STARD13: variants seen among roughly 807,000 people sequenced by gnomAD.
STARD13 encodes StAR related lipid transfer domain containing 13.
Under a neutral mutation model 106.4 loss-of-function variants are expected in STARD13, and 62 were observed. The ratio of observed to expected loss-of-function variants is 0.58; its 90% CI spans 0.48 to 0.72. The LOEUF (loss-of-function observed/expected upper bound fraction) is 0.72. Among genes scored for constraint, STARD13 ranks in the 30% least tolerant of loss-of-function variants. The pLI is 0.00. For synonymous variants in STARD13, 565 were observed against 553.0 expected (o/e 1.02, Z -0.31); for missense variants, 1,387 against 1,424.0 (o/e 0.97, Z 0.42).
chr13:33,495,915 A>G, the STARD13 span, among the ~76,000 whole-genome samples: 5 of 144,428 alleles, frequency 3.5e-5, no homozygotes, highest in South Asian at 1.1e-3. Context: ...ATTATATTAT[A>G]TAGTTATATA....
chr13:33,123,487 C>T (rs1876678441), intron 7 of STARD13, among the ~76,000 whole-genome samples: 1 of 152,202 alleles, frequency 6.6e-6, no homozygotes, highest in Non-Finnish European at 1.5e-5. Context: ...ATTGCAGGTT[C>T]AGCCTCTCAC....
rs554890127 is a variant in STARD13 at position 33,296,760 on chromosome 13, AG to A, written c.124+53529del. ...CAGCCTCCCAAGTAGCTGGGATTAC[AG>A]GGGCCCCCCACCACGCCCAGCTAAT... On this transcript the variant is annotated intron_variant, in intron 1 of 5. Coordinates refer to the STARD13 transcript ENST00000567873. Among the ~76,000 whole-genome samples the A allele has an allele frequency of 3.7e-3, 569 of 152,290 alleles. 5 individuals are homozygous for A. The highest frequency in any genetic ancestry group is 0.013 in the African/African-American group (550 of 41,566).
At chr13:33,128,411 T>A (rs1006563326) in intron 5 of STARD13, among the ~76,000 whole-genome samples, 1 of 152,232 alleles carries the variant, frequency 6.6e-6, no homozygotes, top group African/African-American at 2.4e-5. Context: ...CATTTTTCTA[T>A]GGTGCTTCTG....
chr13:33,335,401 G>T (rs2077884136), intron 1 of STARD13: 1 of 152,212 alleles, frequency 6.6e-6, no homozygotes, highest in South Asian at 2.1e-4. Flanking sequence ...CTCCGAAAAT[G>T]GTTCCATGCT....
chr13:33,393,165 T>A, the STARD13 span, among the ~76,000 whole-genome samples: 1 of 152,172 alleles, frequency 6.6e-6, no homozygotes, highest in Non-Finnish European at 1.5e-5. Context: ...TGCCAATGCT[T>A]ACACAAGCCA....
chr13:33,204,130 G>A (rs149687630), intron 1 of STARD13, among the ~76,000 whole-genome samples: 8 of 152,324 alleles, frequency 5.3e-5, no homozygotes, highest in African/African-American at 1.9e-4. Context: ...CGTGGGTACT[G>A]TCAGAAGCTG....
intron 1 of STARD13, among the ~76,000 whole-genome samples, chr13:33,248,444 C>T (rs1291345506): frequency 6.6e-6 from 1 of 152,150 alleles, no homozygotes; most frequent in Non-Finnish European, 1.5e-5. Context: ...AAGTCTATGG[C>T]GATCCTGGGC....
chr13:33,421,965 T>C, the STARD13 span, among the ~76,000 whole-genome samples: 1 of 152,180 alleles, frequency 6.6e-6, no homozygotes, highest in Non-Finnish European at 1.5e-5. Context: ...AAGAACTATT[T>C]ATGACAAACC....
intron 1 of STARD13, among the ~76,000 whole-genome samples, chr13:33,325,474 C>T (rs960442961): frequency 6.6e-6 from 1 of 152,168 alleles, no homozygotes; most frequent in Non-Finnish European, 1.5e-5. Flanking sequence ...ATTTTGAGTC[C>T]TTTTCTTCAC....
At chr13:33,490,496 GAA>G in the STARD13 span, among the ~76,000 whole-genome samples, 2 of 152,176 alleles carry the variant, frequency 1.3e-5, no homozygotes, top group Non-Finnish European at 2.9e-5. Flanking sequence ...GCGGCAGAGA[GAA>G]AGAAGAGTAG....
chr13:33,310,370 T>C (rs1383037038), intron 1 of STARD13, among the ~76,000 whole-genome samples: 1 of 152,218 alleles, frequency 6.6e-6, no homozygotes, highest in African/African-American at 2.4e-5. Flanking sequence ...CCTCCAGCCT[T>C]CTTCTTTATA....
chr13:33,380,227 C>T, the STARD13 span, among the ~76,000 whole-genome samples: 1 of 151,950 alleles, frequency 6.6e-6, no homozygotes, highest in Non-Finnish European at 1.5e-5. Context: ...CCAATCTGGC[C>T]AACATGGTGA....
chr13:33,653,259 C>G, the STARD13 span, among the ~76,000 whole-genome samples: 1 of 152,166 alleles, frequency 6.6e-6, no homozygotes, highest in African/African-American at 2.4e-5. Flanking sequence ...AAGACTCAAA[C>G]TTCCCTCTTC....
the STARD13 span, among the ~76,000 whole-genome samples, chr13:33,623,918 A>C: frequency 6.6e-6 from 1 of 152,238 alleles, no homozygotes; most frequent in East Asian, 1.9e-4. Context: ...AGCCTTTTAC[A>C]TGGACTAGAA....
At chr13:33,136,818 G>A (rs1037473701) in intron 4 of STARD13, among the ~76,000 whole-genome samples, 1 of 128,602 alleles carries the variant, frequency 7.8e-6, no homozygotes, top group Admixed American at 8.4e-5. Flanking sequence ...TCTTTGATGT[G>A]GGACAAGAAC....
At chr13:33,476,228 T>C in the STARD13 span, among the ~76,000 whole-genome samples, 2 of 152,174 alleles carry the variant, frequency 1.3e-5, no homozygotes, top group African/African-American at 4.8e-5. Flanking sequence ...TCCATCTGGA[T>C]TGAATAATAA....
At chr13:33,361,314 C>T in the STARD13 span, among the ~76,000 whole-genome samples, 2 of 108,576 alleles carry the variant, frequency 1.8e-5, no homozygotes, top group African/African-American at 5.4e-5. Context: ...CTCTAACTTA[C>T]TTTATTGAAA....
intron 3 of STARD13, among the ~76,000 whole-genome samples, chr13:33,150,913 G>A (rs965739294): frequency 1.1e-4 from 16 of 152,194 alleles, no homozygotes; most frequent in Admixed American, 1.0e-3. Flanking sequence ...AGTGCGCTGT[G>A]TACCAGGAAT....
the STARD13 span, among the ~76,000 whole-genome samples, chr13:33,662,710 C>T: frequency 2.6e-5 from 4 of 152,140 alleles, no homozygotes; most frequent in African/African-American, 4.8e-5. Context: ...CACTATACCC[C>T]CTCTCTATTT....
Sources: allele counts gnomAD v4.1 joint callset (sites outside exome capture counted in the v4.1 genomes callset), GRCh38; gene constraint gnomAD v4.1.1; transcripts MANE v1.5; gene names NCBI Gene and HGNC (gene_info 2026-07-23, HGNC 2026-07-21).